Variants in SORBS2 observed in about 807,000 individuals in gnomAD.
SORBS2 encodes the protein sorbin and SH3 domain-containing protein 2.
Under a neutral mutation model 97.7 loss-of-function variants are expected in SORBS2, and 46 were observed. The observed-to-expected ratio is 0.47, with a 90% CI of 0.37 to 0.60. The LOEUF (loss-of-function observed/expected upper bound fraction) is 0.60. Among genes scored for constraint, SORBS2 ranks in the 20% least tolerant of loss-of-function variants. The pLI, the probability that SORBS2 is intolerant of heterozygous loss-of-function variation, is 0.00. For missense variants in SORBS2, 1,316 were observed against 1,282.3 expected (o/e 1.03, Z -0.40); for synonymous variants, 476 against 473.4 (o/e 1.01, Z -0.07).
chr4:185,749,388 A>C (rs1041006927), intron 2 of SORBS2, among the ~76,000 whole-genome samples: 1 of 152,212 alleles, frequency 6.6e-6, no homozygotes, highest in Non-Finnish European at 1.5e-5. Flanking sequence ...TGCCTTCTTG[A>C]TATCCCATTG....
intron 11 of SORBS2, among the ~76,000 whole-genome samples, chr4:185,612,357 G>GCGCT (rs2096552934): frequency 6.6e-6 from 1 of 152,172 alleles, no homozygotes; most frequent in Admixed American, 6.5e-5. Flanking sequence ...CAGGTTCAGT[G>GCGCT]CATTGGCCTT....
At chr4:185,822,095 T>C (rs1277800780) in intron 1 of SORBS2, among the ~76,000 whole-genome samples, 1 of 152,246 alleles carries the variant, frequency 6.6e-6, no homozygotes, top group Non-Finnish European at 1.5e-5. Flanking sequence ...GAGATTAAAT[T>C]TCATCCTCTA....
At chr4:185,678,979 A>C (rs188409546) in intron 2 of SORBS2, among the ~76,000 whole-genome samples, 157 bp from the exon 6 acceptor site, 43 of 152,258 alleles carry the variant, frequency 2.8e-4, no homozygotes, top group Admixed American at 2.5e-3. Context: ...AGGCTTGTAC[A>C]TTTATTTTTA....
chr4:185,843,519 A>G (rs923270945), intron 1 of SORBS2, among the ~76,000 whole-genome samples: 1 of 152,240 alleles, frequency 6.6e-6, no homozygotes, highest in African/African-American at 2.4e-5. Context: ...ATAAGTAAAT[A>G]TAGAAAAATC....
intron 5 of SORBS2, among the ~76,000 whole-genome samples, chr4:185,627,693 A>G (rs920552761): frequency 3.3e-5 from 5 of 152,118 alleles, no homozygotes; most frequent in African/African-American, 1.2e-4. Flanking sequence ...CCCCAAGTCC[A>G]TAGTTTACAT....
At chr4:185,756,719 C>CTT (rs56955640) in intron 2 of SORBS2, among the ~76,000 whole-genome samples, 9,438 of 131,332 alleles carry the variant, frequency 0.072, 464 homozygotes, top group South Asian at 0.16. Flanking sequence ...ACTGTTAAAG[C>CTT]TTTTTTTTTT....
At chr4:185,817,874 G>C (rs1358740931) in intron 1 of SORBS2, among the ~76,000 whole-genome samples, 2 of 152,178 alleles carry the variant, frequency 1.3e-5, no homozygotes, top group South Asian at 4.1e-4. Context: ...TCTTCTAGAA[G>C]TGCTTCTGAA....
At chr4:185,624,005 C>A (rs2153424103) in exon 7 of SORBS2, 2 of 1,614,214 alleles carry the variant, frequency 1.2e-6, no homozygotes, top group African/African-American at 1.3e-5. Flanking sequence ...CTTCACGGAG[C>A]AGATCACCTC....
At chr4:185,724,554 T>C (rs973096564) in intron 2 of SORBS2, among the ~76,000 whole-genome samples, 5 of 152,176 alleles carry the variant, frequency 3.3e-5, no homozygotes, top group African/African-American at 1.2e-4. Flanking sequence ...ATTTATATTG[T>C]TGCCTGAGGA....
intron 2 of SORBS2, among the ~76,000 whole-genome samples, chr4:185,710,440 G>A (rs1202917340): frequency 6.6e-6 from 1 of 152,200 alleles, no homozygotes; most frequent in African/African-American, 2.4e-5. Flanking sequence ...TTAAAACGAG[G>A]GAAAAGGGAA....
intron 2 of SORBS2, among the ~76,000 whole-genome samples, chr4:185,693,874 A>G (rs2098133080): frequency 6.6e-6 from 1 of 152,254 alleles, no homozygotes; most frequent in South Asian, 2.1e-4. Context: ...TAACGAGAAC[A>G]AAGAAAGGCG....
intron 1 of SORBS2, among the ~76,000 whole-genome samples, chr4:185,873,274 T>C (rs896958728): frequency 6.6e-6 from 1 of 152,148 alleles, no homozygotes; most frequent in Non-Finnish European, 1.5e-5. Flanking sequence ...TGTATATAGG[T>C]CTTTTACCTT....
chr4:185,913,068 T>G (rs2099256213), intron 1 of SORBS2, among the ~76,000 whole-genome samples: 1 of 152,234 alleles, frequency 6.6e-6, no homozygotes, highest in South Asian at 2.1e-4. Flanking sequence ...AATGTCTTGC[T>G]GTGCTGAAAT....
chr4:185,601,843 G>A (rs1043414329), intron 12 of SORBS2, among the ~76,000 whole-genome samples: 2 of 152,016 alleles, frequency 1.3e-5, no homozygotes, highest in Admixed American at 1.3e-4. Flanking sequence ...TTAGGGTGAC[G>A]AGACTTCCTG....
At position 185,728,673 on chromosome 4, in the gene SORBS2, C is replaced by T. The variant is rs978691086; in HGVS notation, c.-198+46554G>A. Among the ~76,000 whole-genome samples, 9 of 152,264 alleles carry T rather than the reference C, an allele frequency of 5.9e-5. No homozygotes were observed. In the East Asian group the frequency reaches 1.4e-3, roughly 23 times the overall value. On this transcript the variant is annotated intron_variant, in intron 2 of 20. Coordinates refer to the SORBS2 transcript ENST00000284776. Reference sequence around the variant, plus strand: ...TTCCTAATTCTAAAGTTAATCATGGCGATTCTCAGATCAGGGAGAAAATTA... The same window carrying T: ...TTCCTAATTCTAAAGTTAATCATGGTGATTCTCAGATCAGGGAGAAAATTA...
At chr4:185,879,466 G>A (rs1268665767) in intron 1 of SORBS2, among the ~76,000 whole-genome samples, 1 of 152,104 alleles carries the variant, frequency 6.6e-6, no homozygotes, top group African/African-American at 2.4e-5. Context: ...TGTGAATAGT[G>A]CTGCAATAAA....
chr4:185,833,903 TC>T (rs1486564918), intron 1 of SORBS2, among the ~76,000 whole-genome samples: 1 of 152,208 alleles, frequency 6.6e-6, no homozygotes, highest in Admixed American at 6.5e-5. Flanking sequence ...GTGTCTATCT[TC>T]CTCATTGGAC....
At chr4:185,737,155 G>T (rs1050636320) in intron 2 of SORBS2, among the ~76,000 whole-genome samples, 1 of 152,206 alleles carries the variant, frequency 6.6e-6, no homozygotes, top group African/African-American at 2.4e-5. Flanking sequence ...TGCTCCAAAA[G>T]CATTGCTTCC....
chr4:185,871,460 A>G (rs746210751), intron 1 of SORBS2, among the ~76,000 whole-genome samples: 2 of 152,234 alleles, frequency 1.3e-5, no homozygotes, highest in African/African-American at 4.8e-5. Flanking sequence ...CTTTACTTAC[A>G]TATAATGCCT....
Sources: gnomAD v4.1 joint callset for allele counts (sites outside exome capture counted in the v4.1 genomes callset) on GRCh38, gnomAD v4.1.1 for gene constraint, MANE v1.5 for transcripts, NCBI Gene and HGNC (gene_info 2026-07-23, HGNC 2026-07-21) for gene names.